Variants in FHIT observed in about 807,000 individuals in gnomAD.
FHIT encodes the protein fragile histidine triad diadenosine triphosphatase.
FHIT carries 19 observed loss-of-function variants against 17.9 expected under a neutral mutation model. The ratio of observed to expected loss-of-function variants is 1.06; its 90% CI spans 0.74 to 1.56. The LOEUF (loss-of-function observed/expected upper bound fraction) is 1.56. FHIT is among the 40% of genes most tolerant of loss of function. The pLI is 0.00. For synonymous variants in FHIT, 81 were observed against 69.7 expected (o/e 1.16, Z -0.81); for missense variants, 248 against 189.2 (o/e 1.31, Z -1.82).
Position 60,494,938 on chromosome 3 carries a change from G to A in FHIT, c.103+41922C>T, listed in dbSNP as rs575146067. Among the ~76,000 whole-genome samples the A allele has an allele frequency of 1.5e-4, 23 of 152,232 alleles. 1 individual carries two copies. Among genetic ancestry groups the A allele is most frequent in the African/African-American group, 2.9e-4 (12 of 41,532 alleles). ...TTGTGAACAGTGCTGCAACAAACACGGGAGCGCAGATCGCTCTGTGATATA... is the reference window on the plus strand; with the variant it reads ...TTGTGAACAGTGCTGCAACAAACACAGGAGCGCAGATCGCTCTGTGATATA... On this transcript the variant is annotated intron_variant, in intron 5 of 9. Coordinates refer to ENST00000492590, the MANE Select transcript of FHIT (RefSeq NM_002012.4).
At chr3:60,779,966 GGCCCCCCT>G (rs1700331706) in intron 4 of FHIT, among the ~76,000 whole-genome samples, 1 of 152,152 alleles carries the variant, frequency 6.6e-6, no homozygotes, top group Non-Finnish European at 1.5e-5. Flanking sequence ...CCCACCCCTA[GGCCCCCCT>G]GCTTCATGGG....
chr3:60,005,224 A>T (rs949251928), intron 7 of FHIT, among the ~76,000 whole-genome samples: 1 of 152,236 alleles, frequency 6.6e-6, no homozygotes, highest in Admixed American at 6.5e-5. Context: ...GAACGTGAAA[A>T]TACTAGGGAG....
chr3:60,677,480 T>G (rs1553695663), intron 4 of FHIT, among the ~76,000 whole-genome samples: 1 of 152,196 alleles, frequency 6.6e-6, no homozygotes, highest in African/African-American at 2.4e-5. Context: ...GTAAAAGACA[T>G]GTTTTCATTC....
At chr3:59,902,440 G>A (rs11920587) in intron 8 of FHIT, among the ~76,000 whole-genome samples, 4,324 of 151,462 alleles carry the variant, frequency 0.029, 196 homozygotes, top group African/African-American at 0.098. Flanking sequence ...CCCACTCCTG[G>A]ATATAGAACC....
intron 4 of FHIT, among the ~76,000 whole-genome samples, chr3:60,619,455 A>C (rs1321864593): frequency 6.6e-6 from 1 of 152,182 alleles, no homozygotes; most frequent in African/African-American, 2.4e-5. Context: ...CACTGACACT[A>C]TCCGACTTCA....
intron 2 of FHIT, among the ~76,000 whole-genome samples, chr3:61,150,903 G>A (rs571001756): frequency 6.6e-6 from 1 of 152,144 alleles, no homozygotes; most frequent in Non-Finnish European, 1.5e-5. Flanking sequence ...AATTGGCCAT[G>A]GGACATGAAA....
At chr3:60,560,802 GAC>G (rs71092614) in intron 4 of FHIT, among the ~76,000 whole-genome samples, 15,103 of 128,578 alleles carry the variant, frequency 0.12, 943 homozygotes, top group African/African-American at 0.16. Context: ...GATGTAAGGA[GAC>G]ACACACACAC....
chr3:60,336,423 T>A (rs1269448216), intron 5 of FHIT, among the ~76,000 whole-genome samples: 1 of 152,232 alleles, frequency 6.6e-6, no homozygotes, highest in Non-Finnish European at 1.5e-5. Flanking sequence ...AAAAGTCAGC[T>A]GTTAAAGAAT....
chr3:60,503,185 G>C (rs1296196532), intron 5 of FHIT, among the ~76,000 whole-genome samples: 1 of 152,074 alleles, frequency 6.6e-6, no homozygotes, highest in African/African-American at 2.4e-5. Flanking sequence ...TTAAAATATA[G>C]TAATGCTCAA....
At chr3:59,762,004 C>T (rs1701542221) in intron 8 of FHIT, among the ~76,000 whole-genome samples, 1 of 152,164 alleles carries the variant, frequency 6.6e-6, no homozygotes. Context: ...TTGCCAGCAT[C>T]ACTACTCTTA....
intron 2 of FHIT, among the ~76,000 whole-genome samples, chr3:61,058,652 G>A (rs1042235404): frequency 1.3e-5 from 2 of 152,088 alleles, no homozygotes; most frequent in African/African-American, 4.8e-5. Flanking sequence ...TTCTACCTGA[G>A]GCCTCTCCAG....
chr3:60,287,099 C>T (rs1001231100), intron 5 of FHIT, among the ~76,000 whole-genome samples: 3 of 152,152 alleles, frequency 2.0e-5, no homozygotes, highest in Non-Finnish European at 2.9e-5. Context: ...TGAACTCAGT[C>T]AGATCATCTA....
intron 2 of FHIT, among the ~76,000 whole-genome samples, chr3:61,103,196 T>C (rs1313922496): frequency 6.6e-6 from 1 of 152,270 alleles, no homozygotes; most frequent in Non-Finnish European, 1.5e-5. Context: ...CATTTAGTGC[T>C]ATAAATTTCA....
At chr3:60,043,991 A>G (rs1053643184) in intron 5 of FHIT, among the ~76,000 whole-genome samples, 1 of 152,176 alleles carries the variant, frequency 6.6e-6, no homozygotes, top group Non-Finnish European at 1.5e-5. Context: ...CGACCCTAAA[A>G]CTGTTAAAGC....
At chr3:60,991,436 G>A (rs924480298) in intron 3 of FHIT, among the ~76,000 whole-genome samples, 1 of 152,196 alleles carries the variant, frequency 6.6e-6, no homozygotes, top group Non-Finnish European at 1.5e-5. Context: ...TCTCGGAAAT[G>A]ATAGATTCTA....
intron 5 of FHIT, among the ~76,000 whole-genome samples, chr3:60,467,993 A>G (rs2032890908): frequency 6.6e-6 from 1 of 152,112 alleles, no homozygotes; most frequent in Admixed American, 6.6e-5. Context: ...GTGCATATAT[A>G]TTTACAATTG....
intron 4 of FHIT, among the ~76,000 whole-genome samples, chr3:60,722,546 T>A (rs1407932224): frequency 6.6e-6 from 1 of 152,112 alleles, no homozygotes; most frequent in Non-Finnish European, 1.5e-5. Context: ...TGTGAAGTGC[T>A]ATCCTGTGCA....
At chr3:59,903,377 C>G (rs1704424677) in intron 8 of FHIT, among the ~76,000 whole-genome samples, 1 of 152,080 alleles carries the variant, frequency 6.6e-6, no homozygotes, top group Non-Finnish European at 1.5e-5. Context: ...TTACACAACT[C>G]TGAATATACC....
At chr3:61,086,733 G>C (rs1013728717) in intron 2 of FHIT, among the ~76,000 whole-genome samples, 6 of 151,808 alleles carry the variant, frequency 4.0e-5, no homozygotes, top group African/African-American at 1.5e-4. Context: ...TTATTCTCTT[G>C]GTGGATTATT....
Sources: gnomAD v4.1 joint callset for allele counts (sites outside exome capture counted in the v4.1 genomes callset) on GRCh38, gnomAD v4.1.1 for gene constraint, MANE v1.5 for transcripts, NCBI Gene and HGNC (gene_info 2026-07-23, HGNC 2026-07-21) for gene names.